CPAP: variants seen among roughly 807,000 people sequenced by gnomAD.
CPAP encodes the protein centrosomal P4.1-associated protein.
the CPAP span, chr13:24,892,662 T>C: frequency 6.2e-7 from 1 of 1,613,992 alleles, no homozygotes; most frequent in East Asian, 2.2e-5. Context: ...GTCCTTCTTC[T>C]CCACCTCGAG....
chr13:24,909,987 T>G, the CPAP span: 1 of 1,614,160 alleles, frequency 6.2e-7, no homozygotes, highest in Non-Finnish European at 8.5e-7. Context: ...TGGGTCCGGG[T>G]AGACATATGA....
At chr13:24,885,795 C>CTT in the CPAP span, 2 of 725,654 alleles carry the variant, frequency 2.8e-6, no homozygotes, top group East Asian at 2.7e-5. Flanking sequence ...TTAAGGATGT[C>CTT]TTAATATTTT....
the CPAP span, chr13:24,885,265 C>T: frequency 1.3e-6 from 2 of 1,527,110 alleles, no homozygotes; most frequent in Non-Finnish European, 1.8e-6. Flanking sequence ...ATTTCAAAAA[C>T]ATTTTTTAAC....
the CPAP span, chr13:24,905,559 G>C: frequency 2.5e-6 from 4 of 1,614,066 alleles, no homozygotes; most frequent in Non-Finnish European, 3.4e-6. Context: ...TCATTATTAG[G>C]GTAGCATGTC....
At chr13:24,906,407 T>C in the CPAP span, 10 of 1,611,516 alleles carry the variant, frequency 6.2e-6, no homozygotes, top group Middle Eastern at 1.6e-4. Context: ...TTTCATGGTC[T>C]CCCTTATGGG....
At chr13:24,889,638 G>A in the CPAP span, among the ~76,000 whole-genome samples, 2 of 152,122 alleles carry the variant, frequency 1.3e-5, no homozygotes, top group African/African-American at 4.8e-5. Context: ...GACACAGTAG[G>A]CAAGGTTACC....
At chr13:24,931,972 A>ACCCCGCCTGAGGCCGGGTCCCGCT in the CPAP span, among the ~76,000 whole-genome samples, 2 of 151,920 alleles carry the variant, frequency 1.3e-5, no homozygotes, top group South Asian at 4.2e-4. Context: ...GAAAAGACAA[A>ACCCCGCCTGAGGCCGGGTCCCGCT]CCCCGCCTGA....
the CPAP span, among the ~76,000 whole-genome samples, chr13:24,888,371 C>G: frequency 1.3e-5 from 2 of 152,098 alleles, no homozygotes; most frequent in Non-Finnish European, 2.9e-5. Flanking sequence ...AACACACACA[C>G]ACACATCCAA....
chr13:24,927,007 A>G, the CPAP span, among the ~76,000 whole-genome samples: 1 of 152,194 alleles, frequency 6.6e-6, no homozygotes, highest in Non-Finnish European at 1.5e-5. Context: ...TGACAAACCA[A>G]CCAGAATCAA....
the CPAP span, chr13:24,883,957 C>T: frequency 6.2e-7 from 1 of 1,614,026 alleles, no homozygotes; most frequent in East Asian, 2.2e-5. Context: ...CATAATGTTG[C>T]CATACCGTTG....
chr13:24,894,771 G>GGATGACAC, the CPAP span, among the ~76,000 whole-genome samples: 1 of 152,114 alleles, frequency 6.6e-6, no homozygotes, highest in African/African-American at 2.4e-5. Flanking sequence ...AGTGGGTGGA[G>GGATGACAC]GATGACACGC....
chr13:24,932,367 C>T, the CPAP span, among the ~76,000 whole-genome samples: 2 of 152,322 alleles, frequency 1.3e-5, no homozygotes, highest in South Asian at 4.1e-4. Context: ...ATCCCAGCTA[C>T]GCTGGAGGCT....
the CPAP span, chr13:24,883,136 A>C: frequency 6.5e-7 from 1 of 1,533,608 alleles, no homozygotes. Context: ...TTTTTAACAT[A>C]AAAAGTCAGT....
At chr13:24,914,181 T>C in the CPAP span, among the ~76,000 whole-genome samples, 1 of 152,062 alleles carries the variant, frequency 6.6e-6, no homozygotes, top group Non-Finnish European at 1.5e-5. Flanking sequence ...AAGGTAAAAT[T>C]AAGGACCAAG....
chr13:24,920,493 T>C, the CPAP span, among the ~76,000 whole-genome samples: 10 of 152,202 alleles, frequency 6.6e-5, no homozygotes, highest in Admixed American at 3.9e-4. Flanking sequence ...CAATGTGATG[T>C]ACATTTTCTC....
chr13:24,910,826 A>C, the CPAP span, among the ~76,000 whole-genome samples: 1 of 152,234 alleles, frequency 6.6e-6, no homozygotes, highest in African/African-American at 2.4e-5. Context: ...AAGCCATTCA[A>C]CTATTTTAAG....
the CPAP span, chr13:24,907,176 A>G: frequency 6.2e-7 from 1 of 1,613,078 alleles, no homozygotes; most frequent in Non-Finnish European, 8.5e-7. Context: ...CCTTTCTCCA[A>G]TAGCAGCTTT....
the CPAP span, chr13:24,912,607 T>G: frequency 1.2e-5 from 19 of 1,613,668 alleles, no homozygotes; most frequent in Non-Finnish European, 1.5e-5. Context: ...AAAAAGTGGG[T>G]CTTTATAAGC....
At chr13:24,927,985 T>C in the CPAP span, among the ~76,000 whole-genome samples, 1 of 152,216 alleles carries the variant, frequency 6.6e-6, no homozygotes, top group African/African-American at 2.4e-5. Context: ...TTTACTTATG[T>C]TGACCAGGAG....
Sources: allele counts gnomAD v4.1 joint callset (sites outside exome capture counted in the v4.1 genomes callset), GRCh38; gene constraint gnomAD v4.1.1; transcripts MANE v1.5; gene names NCBI Gene and HGNC (gene_info 2026-07-23, HGNC 2026-07-21).